CDKL5: variants seen among roughly 807,000 people sequenced by gnomAD.
CDKL5 encodes cyclin dependent kinase like 5.
Under a neutral mutation model 61.7 loss-of-function variants are expected in CDKL5, and 8 were observed. The observed-to-expected ratio is 0.13, with a 90% CI of 0.08 to 0.23. The LOEUF (loss-of-function observed/expected upper bound fraction) is 0.23, where lower values mean the gene tolerates loss of function less well. CDKL5 is among the 10% of genes least tolerant of loss of function. The pLI, the probability that CDKL5 is intolerant of heterozygous loss-of-function variation, is 1.00. For synonymous variants in CDKL5, 275 were observed against 272.3 expected, an observed-to-expected ratio of 1.01 and a Z score of -0.10; for missense variants, 440 against 734.5, an observed-to-expected ratio of 0.60 and a Z score of 4.63.
At chrX:18,649,161 G>A (rs1040736630) in intron 20 of CDKL5, among the ~76,000 whole-genome samples, 1 of 110,914 alleles carries the variant, frequency 9.0e-6, no homozygotes, top group African/African-American at 3.3e-5. Context: ...CAATAAGCCA[G>A]TATTTAGGGG....
At chrX:18,651,752 C>T (rs1033289888) in intron 21 of CDKL5, among the ~76,000 whole-genome samples, 18 of 112,059 alleles carry the variant, frequency 1.6e-4, no homozygotes, top group Admixed American at 7.5e-4. Flanking sequence ...TTTCTTCTAA[C>T]GTGGAAAAAT....
intron 1 of CDKL5, among the ~76,000 whole-genome samples, chrX:18,473,445 A>G (rs1285557002): frequency 9.1e-6 from 1 of 110,043 alleles, no homozygotes; most frequent in Non-Finnish European, 1.9e-5. Flanking sequence ...TAAACACTAC[A>G]TTTTCCAGTC....
intron 4 of CDKL5, 31 bp downstream of exon 4, chrX:18,564,553 G>A: frequency 1.9e-6 from 1 of 519,111 alleles, no homozygotes; most frequent in Non-Finnish European, 2.7e-6. Context: ...ATATATATCT[G>A]TATATATGTA....
In CDKL5 at chrX:18,628,496, T is replaced by A; in HGVS notation, c.2622T>A (p.Ile874=). ...AAACCAAAAATTCCTTCTCAGAAAT[T>A]CGGATTCACCCCCTGAGCCAGGCCT... ...AQQTKNSFSE[I]RIHPLSQASG... The change falls in exon 18 of 18, where the codon ATT becomes ATA. Residue 874 remains isoleucine, a synonymous_variant. Coordinates refer to ENST00000623535, the MANE Select transcript of CDKL5 (RefSeq NM_001323289.2). The A allele has an allele frequency of 8.3e-7, 1 of 1,211,739 alleles. No individual in the cohort carries two copies. Among genetic ancestry groups the A allele is most frequent in the Non-Finnish European group, 1.1e-6 (1 of 895,490 alleles).
At chrX:18,448,910 C>T (rs936754638) in intron 1 of CDKL5, among the ~76,000 whole-genome samples, 6 of 112,120 alleles carry the variant, frequency 5.4e-5, no homozygotes, top group Non-Finnish European at 1.1e-4. Context: ...GGCTGGAGTG[C>T]AGTGGCACGA....
At chrX:18,644,506 G>A, downstream of CDKL5, 1 of 1,211,274 alleles carries the variant, frequency 8.3e-7, no homozygotes, top group Non-Finnish European at 1.1e-6. Flanking sequence ...GCTGTACTTG[G>A]TCATCCACTC....
intron 6 of CDKL5, among the ~76,000 whole-genome samples, chrX:18,581,282 A>G (rs1377993443): frequency 1.8e-5 from 2 of 112,087 alleles, no homozygotes; most frequent in Non-Finnish European, 3.8e-5. Flanking sequence ...GTGAATTTCT[A>G]CTTAACTCCC....
At chrX:18,545,774 T>C (rs1443367708) in intron 3 of CDKL5, among the ~76,000 whole-genome samples, 1 of 112,350 alleles carries the variant, frequency 8.9e-6, no homozygotes, top group Non-Finnish European at 1.9e-5. Context: ...TTTCATACCA[T>C]TGACTCTTAA....
Position 18,628,503 on chromosome X carries a change from C to T in CDKL5, c.2629C>T (p.His877Tyr). ...TKNSFSEIRI[H>Y]PLSQASGGSS... is the part of the protein sequence containing the mutation. ...AAATTCCTTCTCAGAAATTCGGATT[C>T]ACCCCCTGAGCCAGGCCTCTGGCGG... The change falls in exon 18 of 18, where the codon CAC becomes TAC. Residue 877 changes from histidine to tyrosine, a missense_variant. This residue lies in a region of CDKL5 where 363 missense variants were observed against 516.3 expected (regional missense o/e 0.70). Transcript: ENST00000623535. 1 of 1,212,146 alleles carries T rather than the reference C, an allele frequency of 8.2e-7. No individual in the cohort carries two copies. Among genetic ancestry groups the T allele is most frequent in the Non-Finnish European group, 1.1e-6 (1 of 895,597 alleles).
downstream of CDKL5, chrX:18,641,937 T>G: frequency 1.8e-6 from 2 of 1,096,614 alleles, no homozygotes; most frequent in Non-Finnish European, 2.5e-6. Flanking sequence ...CGGTGGTGTG[T>G]GAGGGGGTCC....
chrX:18,540,051 C>T (rs983309722), intron 3 of CDKL5, among the ~76,000 whole-genome samples: 2 of 112,373 alleles, frequency 1.8e-5, no homozygotes, highest in Non-Finnish European at 3.8e-5. Flanking sequence ...TTATGAAACT[C>T]ATGAGCAAAA....
Position 18,604,169 on chromosome X carries a change from A to G in CDKL5, c.1245A>G (p.Thr415=). 2 of 1,211,749 alleles carry G rather than the reference A, an allele frequency of 1.7e-6. No individual in the cohort carries two copies. Among genetic ancestry groups the G allele is most frequent in the South Asian group, 1.8e-5 (1 of 56,983 alleles). The change falls in exon 12 of 18, where the codon ACA becomes ACG. Residue 415 remains threonine (T), a synonymous_variant. Coordinates refer to ENST00000623535, the MANE Select transcript of CDKL5 (RefSeq NM_001323289.2). ...GCCCAAAAGAAGCCAAGTCAAAAAC[A>G]GAGTTTGATTTTAATATTGACCCAA... ...LLSPKEAKSK[T]EFDFNIDPKP...
intron 1 of CDKL5, among the ~76,000 whole-genome samples, chrX:18,474,962 G>GT (rs1921248213): frequency 1.8e-5 from 2 of 108,379 alleles, no homozygotes; most frequent in African/African-American, 3.4e-5. Context: ...TTTGTTTTTT[G>GT]GTTTTTTTTT....
At chrX:18,528,533 G>A (rs369971103) in intron 3 of CDKL5, among the ~76,000 whole-genome samples, 4 of 110,173 alleles carry the variant, frequency 3.6e-5, no homozygotes, top group East Asian at 5.7e-4. Context: ...TAGTGTTATC[G>A]TGGTATAACT....
intron 1 of CDKL5, among the ~76,000 whole-genome samples, chrX:18,450,875 T>C (rs76652039): frequency 1.0e-5 from 1 of 96,332 alleles, no homozygotes; most frequent in Non-Finnish European, 2.1e-5. Flanking sequence ...GTGCCCGGCC[T>C]TTTTTTTTTT....
rs188737139 is a variant in CDKL5 at position 18,631,746 on chromosome X, G to A, written c.*2989G>A. ...CTACCTTTATTTCTCTGCCATCCTCGTTTTTCCTCTCTGAAGTTCTAAATA... is the reference window on the plus strand; with the variant it reads ...CTACCTTTATTTCTCTGCCATCCTCATTTTTCCTCTCTGAAGTTCTAAATA... On this transcript the variant is annotated 3_prime_UTR_variant, in exon 18 of 18. Transcript: ENST00000623535. 276 of 752,374 alleles carry A rather than the reference G, an allele frequency of 3.7e-4. No individual in the cohort carries two copies. The African/African-American group carries it at 5.4e-3, about 15-fold the overall frequency. 62.0% of individuals were successfully genotyped at this position (752,374 alleles called of 1,213,427 possible).
At chrX:18,459,517 G>A (rs1166572658) in intron 1 of CDKL5, among the ~76,000 whole-genome samples, 2 of 108,094 alleles carry the variant, frequency 1.9e-5, no homozygotes, top group Admixed American at 1.0e-4. Flanking sequence ...AGCCAAGATC[G>A]CGCCACTGCA....
At chrX:18,556,124 A>G (rs1050793260) in intron 3 of CDKL5, among the ~76,000 whole-genome samples, 11 of 111,917 alleles carry the variant, frequency 9.8e-5, no homozygotes, top group Non-Finnish European at 1.9e-4. Context: ...CTCCCATTTT[A>G]TAATTTTACT....
chrX:18,502,921 CT>C (rs1218735343), intron 1 of CDKL5, among the ~76,000 whole-genome samples: 2 of 111,502 alleles, frequency 1.8e-5, no homozygotes, highest in Non-Finnish European at 3.8e-5. Flanking sequence ...GAACTCTGCC[CT>C]TCCATATATA....
Sources: allele counts gnomAD v4.1 joint callset (sites outside exome capture counted in the v4.1 genomes callset), GRCh38; gene constraint gnomAD v4.1.1; regional missense constraint gnomAD v4.1.1; transcripts MANE v1.5; gene names NCBI Gene and HGNC (gene_info 2026-07-23, HGNC 2026-07-21).